PLXDC2: variants seen among roughly 807,000 people sequenced by gnomAD.
PLXDC2 encodes plexin domain containing 2.
In PLXDC2, 40 loss-of-function variants were observed where a neutral mutation model predicts 68.9. The ratio of observed to expected loss-of-function variants is 0.58; its 90% CI spans 0.45 to 0.76. PLXDC2 has a LOEUF of 0.76. Among genes scored for constraint, PLXDC2 ranks in the 30% least tolerant of loss-of-function variants. The probability of loss-of-function intolerance (pLI) is 0.00; values close to 1 mark genes in which losing one functional copy is unlikely to be tolerated. For synonymous variants in PLXDC2, 243 were observed against 234.2 expected (o/e 1.04, Z -0.34); for missense variants, 644 against 661.9 (o/e 0.97, Z 0.30).
rs191130252 is a variant in PLXDC2 at position 19,978,406 on chromosome 10, C to T, written c.113-23369C>T. 1.4e-3 allele frequency among the ~76,000 whole-genome samples: 213 copies of T among 151,794 alleles called. 1 individual carries two copies. Among genetic ancestry groups the T allele is most frequent in the Middle Eastern group, 3.4e-3 (1 of 292 alleles). ...ATTTTTATTCCACTGTTTATAAAAC[C>T]CTGAGCTCTTTCATTCATACTTGAT... On this transcript the variant is annotated intron_variant, in intron 1 of 13. Transcript: ENST00000377252.
intron 9 of PLXDC2, among the ~76,000 whole-genome samples, chr10:20,191,588 T>C (rs1273472823): frequency 6.6e-6 from 1 of 151,618 alleles, no homozygotes; most frequent in Admixed American, 6.6e-5. Flanking sequence ...CTGCTTTTGC[T>C]GATTTTAAAT....
At chr10:19,834,443 T>A (rs564669141) in intron 1 of PLXDC2, among the ~76,000 whole-genome samples, 1 of 152,110 alleles carries the variant, frequency 6.6e-6, no homozygotes, top group Non-Finnish European at 1.5e-5. Flanking sequence ...GAGAGAAAAC[T>A]GCTCAAGAAA....
chr10:19,888,574 C>T (rs948899876), intron 1 of PLXDC2, among the ~76,000 whole-genome samples: 2 of 152,084 alleles, frequency 1.3e-5, no homozygotes, highest in Admixed American at 6.5e-5. Flanking sequence ...CACAGAGAAG[C>T]AGTCATTATC....
In PLXDC2 at chr10:20,042,256, G is replaced by T. The variant is rs79375858; in HGVS notation, c.325-4613G>T. On this transcript the variant is annotated intron_variant, in intron 2 of 13. Transcript: ENST00000377252. ...CGTGTCCTTTTGGTTTCTTATACCA[G>T]CATGTTTTTTTCTTAGAACACAGGG... 8.7e-3 allele frequency among the ~76,000 whole-genome samples: 1,330 copies of T among 152,140 alleles called. 12 individuals carry two copies. Among genetic ancestry groups the T allele is most frequent in the Non-Finnish European group, 0.015 (1,015 of 68,002 alleles).
intron 1 of PLXDC2, among the ~76,000 whole-genome samples, chr10:19,945,286 T>A (rs1376945221): frequency 6.6e-6 from 1 of 152,298 alleles, no homozygotes; most frequent in South Asian, 2.1e-4. Flanking sequence ...TGGCTCCTCA[T>A]TGAGGAGTCT....
At chr10:19,893,742 G>A (rs1838007084) in intron 1 of PLXDC2, among the ~76,000 whole-genome samples, 1 of 152,182 alleles carries the variant, frequency 6.6e-6, no homozygotes. Flanking sequence ...TGTCATAAGT[G>A]AAACAATCCT....
At chr10:19,912,969 G>A (rs1833300953) in intron 1 of PLXDC2, among the ~76,000 whole-genome samples, 1 of 152,148 alleles carries the variant, frequency 6.6e-6, no homozygotes, top group Non-Finnish European at 1.5e-5. Context: ...GAAAAATACA[G>A]CTGAAAGACT....
intron 9 of PLXDC2, among the ~76,000 whole-genome samples, chr10:20,210,439 A>G (rs1420357295): frequency 6.6e-6 from 1 of 152,164 alleles, no homozygotes; most frequent in Non-Finnish European, 1.5e-5. Flanking sequence ...TGTGCTCTGG[A>G]TAGTAATTTC....
At chr10:19,896,036 C>T (rs1246448140) in intron 1 of PLXDC2, among the ~76,000 whole-genome samples, 1 of 152,188 alleles carries the variant, frequency 6.6e-6, no homozygotes, top group African/African-American at 2.4e-5. Flanking sequence ...GCTGACCCTG[C>T]AGTCTTTCAC....
Position 20,177,451 on chromosome 10 carries a change from A to G in PLXDC2, c.1061+42A>G, listed in dbSNP as rs564365115. 126 of 1,022,350 alleles carry G rather than the reference A, an allele frequency of 1.2e-4. 1 individual carries two copies. In the East Asian group the frequency reaches 4.2e-3, roughly 34 times the overall value. 63.3% of individuals were successfully genotyped at this position (1,022,350 alleles called of 1,614,324 possible). ...AAGAATAATAATAAAATTTAAAAAG[A>G]TATTTTAAAAGATTAGAAATTAAAA... On this transcript the variant is annotated intron_variant, in intron 9 of 13. Coordinates refer to ENST00000377252, the MANE Select transcript of PLXDC2 (RefSeq NM_032812.9).
In PLXDC2 at chr10:19,817,050, C is replaced by T. The variant is rs201437287; in HGVS notation, c.-30C>T. 5 of 1,468,320 alleles carry T rather than the reference C, an allele frequency of 3.4e-6. No homozygotes were observed. Among genetic ancestry groups the T allele is most frequent in the African/African-American group, 2.9e-5 (2 of 69,444 alleles). The allele number at this position is 1,468,320 out of a possible 1,614,324, so 91.0% of individuals were successfully genotyped here. ...CCCCCGAGCACCGGCGAAGGACTGGCGGGTGGGGTAGGGAGGTGGCGGCGG... is the reference window on the plus strand; with the variant it reads ...CCCCCGAGCACCGGCGAAGGACTGGTGGGTGGGGTAGGGAGGTGGCGGCGG... On this transcript the variant is annotated 5_prime_UTR_variant, in exon 1 of 14. Coordinates refer to ENST00000377252, the MANE Select transcript of PLXDC2 (RefSeq NM_032812.9).
chr10:20,001,025 GCCAGTC>G (rs943207772), intron 1 of PLXDC2, among the ~76,000 whole-genome samples: 2 of 152,130 alleles, frequency 1.3e-5, no homozygotes, highest in Non-Finnish European at 2.9e-5. Context: ...GGTCAGCAAG[GCCAGTC>G]CCTGCAGATG....
intron 1 of PLXDC2, among the ~76,000 whole-genome samples, chr10:19,941,618 G>T (rs1833819154): frequency 6.6e-6 from 1 of 152,162 alleles, no homozygotes; most frequent in Non-Finnish European, 1.5e-5. Flanking sequence ...AAGGGGGTCT[G>T]TCACTTTAAA....
At chr10:19,852,815 C>T (rs957436601) in intron 1 of PLXDC2, among the ~76,000 whole-genome samples, 1 of 152,108 alleles carries the variant, frequency 6.6e-6, no homozygotes, top group Non-Finnish European at 1.5e-5. Context: ...GAGGTGAGAA[C>T]GTTACCACAA....
chr10:19,880,002 C>A (rs1837699453), intron 1 of PLXDC2, among the ~76,000 whole-genome samples: 1 of 152,120 alleles, frequency 6.6e-6, no homozygotes, highest in Non-Finnish European at 1.5e-5. Flanking sequence ...CAAAACCATT[C>A]CATGTAAGAA....
intron 9 of PLXDC2, among the ~76,000 whole-genome samples, chr10:20,184,118 A>G (rs568249991): frequency 3.9e-5 from 6 of 152,018 alleles, no homozygotes; most frequent in African/African-American, 1.4e-4. Flanking sequence ...AAAATATGAG[A>G]TGATGGAAAA....
intron 1 of PLXDC2, among the ~76,000 whole-genome samples, chr10:19,889,654 T>TA (rs1837914588): frequency 6.6e-6 from 1 of 152,194 alleles, no homozygotes; most frequent in Non-Finnish European, 1.5e-5. Context: ...TACAAATATG[T>TA]AAAAATAGTA....
intron 1 of PLXDC2, among the ~76,000 whole-genome samples, chr10:19,948,379 T>A (rs1016383787): frequency 1.4e-3 from 70 of 50,770 alleles, no homozygotes; most frequent in African/African-American, 4.9e-3. Context: ...AATGATTTTC[T>A]TTCTTTCTTT....
At chr10:19,853,448 G>T (rs1282189879) in intron 1 of PLXDC2, among the ~76,000 whole-genome samples, 2 of 151,352 alleles carry the variant, frequency 1.3e-5, no homozygotes, top group East Asian at 1.9e-4. Flanking sequence ...TATAGATGAG[G>T]TCTCGCTATG....
Sources: allele counts gnomAD v4.1 joint callset (sites outside exome capture counted in the v4.1 genomes callset), GRCh38; gene constraint gnomAD v4.1.1; transcripts MANE v1.5; gene names NCBI Gene and HGNC (gene_info 2026-07-23, HGNC 2026-07-21).